The following NADK variants were observed in gnomAD, a reference collection of about 807,000 sequenced individuals.
NADK encodes the protein NAD kinase, also known as poly(P)/ATP NAD kinase.
NADK carries 22 observed loss-of-function variants against 49.8 expected under a neutral mutation model. The ratio of observed to expected loss-of-function variants is 0.44; its 90% CI spans 0.32 to 0.63. NADK has a LOEUF of 0.63. Ranked by LOEUF, NADK falls within the 30% of genes least tolerant of loss-of-function variation. NADK has a pLI of 0.06. For missense variants in NADK, 438 were observed against 609.4 expected (o/e 0.72, Z 2.96); for synonymous variants, 268 against 253.7 (o/e 1.06, Z -0.54).
chr1:1,757,049 C>T (rs1645549163), intron 4 of NADK, 132 bp downstream of exon 4: 2 of 1,359,304 alleles, frequency 1.5e-6, no homozygotes, highest in African/African-American at 2.9e-5. Flanking sequence ...CCCACTCAGT[C>T]CCCAGTTCCA....
At position 1,762,073 on chromosome 1, in the gene NADK, G is replaced by A. The variant is rs536679230; in HGVS notation, c.180-38C>T. 2.5e-5 allele frequency: 39 copies of A among 1,563,994 alleles called. No individual in the cohort carries two copies. The South Asian group carries it at 4.2e-4, about 17-fold the overall frequency. On this transcript the variant is annotated intron_variant, in intron 2 of 11. Coordinates refer to ENST00000341426, the MANE Select transcript of NADK (RefSeq NM_023018.5). Reference sequence around the variant, plus strand: ...GGCAGTGTCAGAGCCACCAGGGCCTGAAACCAGACATGCAGTGACAGACAC... The same window carrying A: ...GGCAGTGTCAGAGCCACCAGGGCCTAAAACCAGACATGCAGTGACAGACAC...
At chr1:1,756,653 C>A (rs747290303) in intron 4 of NADK, 45 bp from the exon 5 acceptor site, 8 of 1,612,808 alleles carry the variant, frequency 5.0e-6, no homozygotes, top group Non-Finnish European at 5.1e-6. Context: ...GCAGACCCCA[C>A]CCTCCTGCAG....
intron 10 of NADK, among the ~76,000 whole-genome samples, 153 bp from the exon 11 acceptor site, chr1:1,753,802 G>A (rs1356696004): frequency 6.6e-6 from 1 of 152,178 alleles, no homozygotes; most frequent in Non-Finnish European, 1.5e-5. Flanking sequence ...CACCGGCCCA[G>A]CTCAGCACCG....
chr1:1,773,721 T>C (rs375817552), intron 1 of NADK, among the ~76,000 whole-genome samples: 1 of 136,388 alleles, frequency 7.3e-6, no homozygotes, highest in Non-Finnish European at 1.6e-5. Context: ...TGTGTGTGTG[T>C]GTGTGTGTGA....
Position 1,755,405 on chromosome 1 carries a change from G to T in NADK, c.657C>A (p.Asn219Lys), listed in dbSNP as rs1244239954. 5 of 1,614,094 alleles carry T rather than the reference G, an allele frequency of 3.1e-6. No homozygotes were observed. Among genetic ancestry groups the T allele is most frequent in the Non-Finnish European group, 4.2e-6 (5 of 1,179,986 alleles). ...TCACCTGAGTAACTTGGGACTGAAA[G>T]TTCTCAAAGCTGAATGGGGTCAGGA... is the stretch of plus-strand genomic sequence containing the variant. The part of the protein sequence containing the change: ...LGFLTPFSFE[N>K]FQSQVTQVIE... The change falls in exon 7 of 12, where the codon AAC (asparagine) becomes AAA (lysine). Residue 219 changes from asparagine (N) to lysine (K), a missense_variant. Transcript: ENST00000341426.
chr1:1,758,551 C>A (rs772695354), intron 3 of NADK: 3 of 1,574,134 alleles, frequency 1.9e-6, no homozygotes, highest in Non-Finnish European at 2.6e-6. Context: ...CCTGACTGTG[C>A]GCCCACACTA....
chr1:1,780,190 A>AG (rs1461698304), upstream of NADK: 1 of 152,274 alleles, frequency 6.6e-6, no homozygotes, highest in African/African-American at 2.4e-5. Context: ...GCGGGGGGAG[A>AG]GGGGGCGGAT....
At chr1:1,776,244 CCCT>C (rs1044555559) in intron 1 of NADK, among the ~76,000 whole-genome samples, 2 of 152,178 alleles carry the variant, frequency 1.3e-5, no homozygotes, top group African/African-American at 4.8e-5. Flanking sequence ...GCCACTTTCC[CCCT>C]ATTTGTTCAC....
chr1:1,757,149 CCCCAGG>C, intron 4 of NADK, 26 bp downstream of exon 4: 1 of 1,007,256 alleles, frequency 9.9e-7, no homozygotes, highest in Admixed American at 2.4e-5. Flanking sequence ...TCCATGTGCA[CCCCAGG>C]CCCCCTTCCC....
chr1:1,757,146 GCACCCC>G, intron 4 of NADK, 29 bp downstream of exon 4: 6 of 1,523,848 alleles, frequency 3.9e-6, no homozygotes, highest in Non-Finnish European at 5.3e-6. Flanking sequence ...AACTCCATGT[GCACCCC>G]AGGCCCCCTT....
At chr1:1,772,899 G>T (rs893478637) in intron 1 of NADK, among the ~76,000 whole-genome samples, 1 of 151,722 alleles carries the variant, frequency 6.6e-6, no homozygotes, top group Non-Finnish European at 1.5e-5. Context: ...AAATCAGCCC[G>T]GCGTGGTGGC....
Position 1,759,035 on chromosome 1 carries a change from C to A in NADK, c.264-1725G>T. Reference sequence around the variant, plus strand: ...GTGGCTCACGGTCCTCCGGCCTGGTCAGCCAGCAAAGCCCCCGCCCTGCAC... The same window carrying A: ...GTGGCTCACGGTCCTCCGGCCTGGTAAGCCAGCAAAGCCCCCGCCCTGCAC... On this transcript the variant is annotated intron_variant, in intron 3 of 11. Transcript: ENST00000341426. 2.1e-6 allele frequency: 3 copies of A among 1,449,670 alleles called. No homozygotes were observed. The South Asian group carries it at 4.3e-5, about 21-fold the overall frequency. 89.8% of individuals were successfully genotyped at this position (1,449,670 alleles called of 1,614,324 possible). A position where few individuals can be genotyped will look rare whatever the true frequency, so the allele number is the denominator to read the frequency against.
At chr1:1,758,275 C>A in intron 3 of NADK, 1 of 1,466,044 alleles carries the variant, frequency 6.8e-7, no homozygotes, top group Non-Finnish European at 9.2e-7. Context: ...ACTAACACCC[C>A]CAGAACCACA....
At chr1:1,767,799 C>G (rs1645930364) in intron 1 of NADK, among the ~76,000 whole-genome samples, 1 of 152,160 alleles carries the variant, frequency 6.6e-6, no homozygotes, top group African/African-American at 2.4e-5. Context: ...TAGGTGTGAG[C>G]CACTCCACCC....
Position 1,752,928 on chromosome 1 carries a change from C to T in NADK, c.1317G>A (p.Glu439=), listed in dbSNP as rs531186303. The T allele has an allele frequency of 1.2e-6, 2 of 1,602,982 alleles. No homozygotes were observed. Among genetic ancestry groups the T allele is most frequent in the Non-Finnish European group, 1.7e-6 (2 of 1,175,174 alleles). Residue 439 remains glutamate, a synonymous_variant, in exon 12 of 12, where the codon GAG becomes GAA. Transcript: ENST00000341426. ...CCTAGCCCTCCTCCTCCTCCTCCTC[C>T]TCCTCCTCGAAGTGGGCTTGCTTCT... ...VRKKQAHFEE[E]EEEEEEG
At chr1:1,768,345 C>T (rs890936397) in intron 1 of NADK, among the ~76,000 whole-genome samples, 10 of 152,008 alleles carry the variant, frequency 6.6e-5, no homozygotes, top group Non-Finnish European at 1.2e-4. Flanking sequence ...CAGGAACAGC[C>T]TGGGCAACAT....
chr1:1,765,376 T>A lies in NADK; in HGVS notation c.31A>T (p.Asn11Tyr). The A allele has an allele frequency of 2.5e-6, 4 of 1,605,460 alleles. No individual in the cohort carries two copies. Among genetic ancestry groups the A allele is most frequent in the Non-Finnish European group, 3.4e-6 (4 of 1,175,278 alleles). The change falls in exon 2 of 12, where the codon AAT (asparagine) becomes TAT (tyrosine). Residue 11 changes from asparagine to tyrosine, a missense_variant. By Grantham distance (143) the Asn-to-Tyr change is moderately radical. Coordinates refer to ENST00000341426, the MANE Select transcript of NADK (RefSeq NM_023018.5). ...GCCGCGTCTGGACTCAATTCCTTAT[T>A]CATGGTCATTTTTTCTTGTTCCATT... is the stretch of plus-strand genomic sequence containing the variant. The part of the protein sequence containing the change: MEMEQEKMTM[N>Y]KELSPDAAAY...
rs762029796 is a variant in NADK, at chr1:1,756,268, G to A, written c.575C>T (p.Ser192Leu). Residue 192 changes from serine (S) to leucine (L), a missense_variant, in exon 6 of 12, where the codon TCG (serine) becomes TTG (leucine). Transcript: ENST00000341426. ...GGDGTLLYASSLFQGSVPPVM... is the reference protein window; with the variant it reads ...GGDGTLLYASLLFQGSVPPVM... The stretch of plus-strand genomic sequence containing the variant: ...ATGTCAGCGCTTCACCTGGAAAAGC[G>A]AGGAAGCGTACAGCAGCGTCCCGTC... The A allele has an allele frequency of 6.8e-6, 11 of 1,614,068 alleles. No homozygotes were observed. Among genetic ancestry groups the A allele is most frequent in the East Asian group, 2.2e-5 (1 of 44,884 alleles).
At chr1:1,774,469 G>A (rs1391874855) in intron 1 of NADK, among the ~76,000 whole-genome samples, 1 of 152,098 alleles carries the variant, frequency 6.6e-6, no homozygotes, top group African/African-American at 2.4e-5. Flanking sequence ...TGGTCAGGCT[G>A]GTCTCAAACT....
Sources: gnomAD v4.1 joint callset for allele counts (sites outside exome capture counted in the v4.1 genomes callset) on GRCh38, gnomAD v4.1.1 for gene constraint, MANE v1.5 for transcripts, NCBI Gene and HGNC (gene_info 2026-07-23, HGNC 2026-07-21) for gene names.